KDM4C: variants seen among roughly 807,000 people sequenced by gnomAD.
The protein encoded by KDM4C is lysine-specific demethylase 4C.
KDM4C carries 81 observed loss-of-function variants against 129.3 expected under a neutral mutation model. The ratio of observed to expected loss-of-function variants is 0.63; its 90% CI spans 0.52 to 0.75. The LOEUF (loss-of-function observed/expected upper bound fraction) is 0.75. KDM4C is among the 30% of genes least tolerant of loss of function. KDM4C has a pLI of 0.00. For missense variants in KDM4C, 1,457 were observed against 1,304.0 expected (o/e 1.12, Z -1.81); for synonymous variants, 573 against 456.1 (o/e 1.26, Z -3.26).
At chr9:7,156,113 T>A (rs1356740297) in intron 19 of KDM4C, among the ~76,000 whole-genome samples, 1 of 152,236 alleles carries the variant, frequency 6.6e-6, no homozygotes, top group Non-Finnish European at 1.5e-5. Context: ...CCAGTCATGA[T>A]GAGCATTTTT....
intron 12 of KDM4C, among the ~76,000 whole-genome samples, chr9:6,996,182 A>G (rs1819710832): frequency 6.6e-6 from 1 of 152,102 alleles, no homozygotes. Flanking sequence ...CACACTCACA[A>G]ATGTTTTAAG....
intron 8 of KDM4C, chr9:6,925,419 C>G (rs1199054394): frequency 1.0e-6 from 1 of 968,476 alleles, no homozygotes; most frequent in African/African-American, 1.8e-5. Context: ...TTTCCCTTTC[C>G]CCTTCCTCCT....
intron 5 of KDM4C, among the ~76,000 whole-genome samples, chr9:6,862,014 C>G (rs1276239199): frequency 6.6e-6 from 1 of 152,198 alleles, no homozygotes; most frequent in Non-Finnish European, 1.5e-5. Context: ...TCAGGTGATT[C>G]ACCTGCTTTG....
chr9:6,757,851 G>A, upstream of KDM4C: 3 of 985,608 alleles, frequency 3.0e-6, no homozygotes, highest in Non-Finnish European at 3.6e-6. Flanking sequence ...GTTAACCACA[G>A]CGCGGAAGTT....
chr9:6,980,948 G>A lies in KDM4C; in HGVS notation c.945G>A (p.Val315=). 6.2e-7 allele frequency: 1 copy of A among 1,613,640 alleles called. No homozygotes were observed. The highest frequency in any genetic ancestry group is 1.1e-5 in the South Asian group (1 of 91,018). The change falls in exon 9 of 22, where the codon GTG becomes GTA. Residue 315 remains valine (V), a synonymous_variant. Coordinates refer to ENST00000381309, the MANE Select transcript of KDM4C (RefSeq NM_015061.6). The part of the protein sequence containing the change: ...AKLCTCRKDM[V]KISMDIFVRK... Reference sequence around the variant, plus strand: ...AGTGCACTTGCAGGAAAGACATGGTGAAGATTTCAATGGATATCTTTGTGA... The same window carrying A: ...AGTGCACTTGCAGGAAAGACATGGTAAAGATTTCAATGGATATCTTTGTGA...
chr9:7,086,263 T>C (rs998046959), intron 17 of KDM4C, among the ~76,000 whole-genome samples: 10 of 152,174 alleles, frequency 6.6e-5, no homozygotes, highest in African/African-American at 2.4e-4. Flanking sequence ...ATTTTATAAC[T>C]CCACTGGCCC....
intron 21 of KDM4C, among the ~76,000 whole-genome samples, chr9:7,171,138 C>T (rs1282079699): frequency 6.6e-6 from 1 of 152,132 alleles, no homozygotes; most frequent in South Asian, 2.1e-4. Flanking sequence ...TGACTTTCCT[C>T]TCAGCTGCAT....
At chr9:7,076,244 A>AT (rs1833900580) in intron 17 of KDM4C, among the ~76,000 whole-genome samples, 1 of 152,154 alleles carries the variant, frequency 6.6e-6, no homozygotes, top group Non-Finnish European at 1.5e-5. Flanking sequence ...ATTTCAAACC[A>AT]TTTTTACTGG....
intron 4 of KDM4C, among the ~76,000 whole-genome samples, chr9:6,834,009 A>G (rs1044809450): frequency 2.7e-5 from 4 of 146,516 alleles, no homozygotes; most frequent in African/African-American, 1.0e-4. Context: ...GCCAGGACAG[A>G]AGTGGCCTCA....
At chr9:7,131,451 G>A (rs1840631605) in intron 19 of KDM4C, among the ~76,000 whole-genome samples, 1 of 152,106 alleles carries the variant, frequency 6.6e-6, no homozygotes, top group South Asian at 2.1e-4. Context: ...GAGATGATAA[G>A]GAATTGGCTC....
At chr9:7,055,158 C>A (rs1830700423) in intron 17 of KDM4C, among the ~76,000 whole-genome samples, 1 of 152,162 alleles carries the variant, frequency 6.6e-6, no homozygotes, top group South Asian at 2.1e-4. Context: ...ATCCTGGCGA[C>A]AGAGCAAGGC....
chr9:6,806,562 A>G (rs1830012682), intron 3 of KDM4C, among the ~76,000 whole-genome samples: 2 of 151,940 alleles, frequency 1.3e-5, no homozygotes, highest in Non-Finnish European at 2.9e-5. Context: ...GCTTAAACCA[A>G]CCCATAATTT....
Position 7,149,130 on chromosome 9 carries a change from C to G in KDM4C, c.2782-16108C>G, listed in dbSNP as rs555666947. On this transcript the variant is annotated intron_variant, in intron 19 of 21. Transcript: ENST00000381309. ...GCCCATGCCGAGCCGCCCTCAGGCC[C>G]CTTGGCCTCACTCCCGTGCTCCTCA... Among the ~76,000 whole-genome samples, 22 of 152,326 alleles carry G rather than the reference C, an allele frequency of 1.4e-4. No individual in the cohort carries two copies. In the East Asian group the frequency reaches 4.3e-3, roughly 29 times the overall value.
intron 4 of KDM4C, among the ~76,000 whole-genome samples, chr9:6,815,606 A>G (rs1831940302): frequency 6.6e-6 from 1 of 152,344 alleles, no homozygotes; most frequent in South Asian, 2.1e-4. Context: ...TCACTAGTAC[A>G]GGTTAAGCAT....
intron 19 of KDM4C, among the ~76,000 whole-genome samples, chr9:7,140,554 T>C (rs916036635): frequency 4.1e-4 from 62 of 152,118 alleles, no homozygotes; most frequent in Non-Finnish European, 1.5e-4. Context: ...TTTTGGTAGA[T>C]AGGGAATTCC....
rs892996702 is a variant in KDM4C, at chr9:7,057,507, C to T, written c.2424+8307C>T. 2.0e-5 allele frequency among the ~76,000 whole-genome samples: 3 copies of T among 152,374 alleles called. No homozygotes were observed. In the East Asian group the frequency reaches 5.8e-4, roughly 29 times the overall value. ...GGGCAACCTTGGCTATGCAGATTAACCCTCTGAAGCTCATCTGTAAATTAT... is the reference window on the plus strand; with the variant it reads ...GGGCAACCTTGGCTATGCAGATTAATCCTCTGAAGCTCATCTGTAAATTAT... On this transcript the variant is annotated intron_variant, in intron 17 of 21. Coordinates refer to ENST00000381309, the MANE Select transcript of KDM4C (RefSeq NM_015061.6).
intron 12 of KDM4C, among the ~76,000 whole-genome samples, chr9:6,995,539 C>T (rs1351249376): frequency 2.0e-5 from 3 of 152,172 alleles, no homozygotes; most frequent in Non-Finnish European, 2.9e-5. Context: ...ATCTTTAGCA[C>T]TCTTGGGATA....
intron 4 of KDM4C, among the ~76,000 whole-genome samples, chr9:6,822,435 T>C (rs1299904320): frequency 6.6e-6 from 1 of 152,244 alleles, no homozygotes; most frequent in African/African-American, 2.4e-5. Context: ...ATTGACTACA[T>C]TGATTCATTG....
At chr9:6,954,102 G>T (rs891610993) in intron 8 of KDM4C, among the ~76,000 whole-genome samples, 4 of 152,100 alleles carry the variant, frequency 2.6e-5, no homozygotes, top group African/African-American at 7.2e-5. Context: ...CATCAAACCA[G>T]TCAGGCAGTA....
Sources: gnomAD v4.1 joint callset for allele counts (sites outside exome capture counted in the v4.1 genomes callset) on GRCh38, gnomAD v4.1.1 for gene constraint, MANE v1.5 for transcripts, NCBI Gene and HGNC (gene_info 2026-07-23, HGNC 2026-07-21) for gene names.